The following FKBP10 variants were observed in gnomAD, a reference collection of about 807,000 sequenced individuals.
FKBP10 encodes FKBP prolyl isomerase 10.
A neutral mutation model predicts 53.7 loss-of-function variants in FKBP10; 34 were observed. That is an observed-to-expected ratio of 0.63 (90% confidence interval 0.48 to 0.84). The LOEUF (loss-of-function observed/expected upper bound fraction) is 0.84. FKBP10 is among the 40% of genes least tolerant of loss of function. FKBP10 has a pLI of 0.00. For synonymous variants in FKBP10, 324 were observed against 335.7 expected, an observed-to-expected ratio of 0.97 and a Z score of 0.38; for missense variants, 748 against 797.8, an observed-to-expected ratio of 0.94 and a Z score of 0.75.
rs1788842426 is a variant in FKBP10 at position 41,822,086 on chromosome 17, T to C, written c.1564-137T>C. On this transcript the variant is annotated intron_variant, in intron 9 of 9. Transcript: ENST00000321562. ...CCAGCACCAGTGCCTTTCCCAGCCC[T>C]TCCTGAGTTACAGGGTGCGGGGGAG... 6 of 939,310 alleles carry C rather than the reference T, an allele frequency of 6.4e-6. 1 individual carries two copies. In the African/African-American group the frequency reaches 6.6e-5, roughly 10 times the overall value. The allele number at this position is 939,310 out of a possible 1,614,324, so 58.2% of individuals were successfully genotyped here. A position where few individuals can be genotyped will look rare whatever the true frequency, so the allele number is the denominator to read the frequency against.
chr17:41,817,787 G>A (rs534436606), intron 2 of FKBP10, among the ~76,000 whole-genome samples: 96 of 151,886 alleles, frequency 6.3e-4, no homozygotes, highest in African/African-American at 2.2e-3. Flanking sequence ...ACCACCACAC[G>A]TGGCTAATTT....
chr17:41,822,852 C>T lies in FKBP10; in HGVS notation c.*444C>T. The T allele has an allele frequency of 3.5e-6, 1 of 287,248 alleles. No individual in the cohort carries two copies. The highest frequency in any genetic ancestry group is 6.7e-6 in the Non-Finnish European group (1 of 148,262). The allele number at this position is 287,248 out of a possible 1,614,324, so 17.8% of individuals were successfully genotyped here. A position where few individuals can be genotyped will look rare whatever the true frequency, so the allele number is the denominator to read the frequency against. ...CTCCCTAGGACCCCTCTGCCTTCCT[C>T]CCCAATCCTGACTGGCTCCTAGGGA... On this transcript the variant is annotated 3_prime_UTR_variant, in exon 10 of 10. Coordinates refer to ENST00000321562, the MANE Select transcript of FKBP10 (RefSeq NM_021939.4).
At position 41,822,676 on chromosome 17, in the gene FKBP10, CTG is replaced by C. The variant is rs2047907788; in HGVS notation, c.*269_*270del. 1.9e-6 allele frequency: 1 copy of C among 526,100 alleles called. No individual in the cohort carries two copies. The highest frequency in any genetic ancestry group is 2.0e-5 in the South Asian group (1 of 49,862). The allele number at this position is 526,100 out of a possible 1,614,324, so 32.6% of individuals were successfully genotyped here. On this transcript the variant is annotated 3_prime_UTR_variant, in exon 10 of 10. Coordinates refer to ENST00000321562, the MANE Select transcript of FKBP10 (RefSeq NM_021939.4). ...AAAGCCAATTTGGGGCCTGTGGAGC[CTG>C]GGGTTGGATAGGGCCATGGCTGGTC...
At chr17:41,821,841 A>T in intron 9 of FKBP10, 24 bp downstream of exon 9, 1 of 1,613,794 alleles carries the variant, frequency 6.2e-7, no homozygotes, top group Non-Finnish European at 8.5e-7. Flanking sequence ...CAGTCCTAAT[A>T]GCCATGCCCA....
intron 7 of FKBP10, 200 bp from the exon 8 acceptor site, chr17:41,820,747 C>T: frequency 5.2e-6 from 4 of 771,642 alleles, no homozygotes; most frequent in Non-Finnish European, 6.1e-6. Flanking sequence ...CTCGAGGCCA[C>T]ACTTTAGGGG....
rs573865037 is a variant in FKBP10 at position 41,819,220 on chromosome 17, C to G, written c.738C>G (p.Ile246Met). 5 of 1,614,026 alleles carry G rather than the reference C, an allele frequency of 3.1e-6. No individual in the cohort carries two copies. The highest frequency in any genetic ancestry group is 4.2e-6 in the Non-Finnish European group (5 of 1,179,918). ...CTATCCCTTCCCCAGGGACAGTGATCCCCCCACAGGCCTCGCTGGTCTTTC... is the reference window on the plus strand; with the variant it reads ...CTATCCCTTCCCCAGGGACAGTGATGCCCCCACAGGCCTCGCTGGTCTTTC... ...AYGEKGYGTV[I>M]PPQASLVFHV... The change falls in exon 5 of 10, where the codon ATC (isoleucine) becomes ATG (methionine). Residue 246 changes from isoleucine to methionine, a missense_variant. Transcript: ENST00000321562.
chr17:41,819,228 A>G lies in FKBP10; in HGVS notation c.746A>G (p.Gln249Arg). The part of the protein sequence containing the change: ...EKGYGTVIPP[Q>R]ASLVFHVLLI... ...TCCCCAGGGACAGTGATCCCCCCAC[A>G]GGCCTCGCTGGTCTTTCACGTCCTC... Residue 249 changes from glutamine (Q) to arginine (R), a missense_variant, in exon 5 of 10, where the codon CAG becomes CGG. Transcript: ENST00000321562. 1 of 1,614,104 alleles carries G rather than the reference A, an allele frequency of 6.2e-7. No individual in the cohort carries two copies. Among genetic ancestry groups the G allele is most frequent in the South Asian group, 1.1e-5 (1 of 91,082 alleles).
chr17:41,821,540 C>T, intron 8 of FKBP10, 114 bp from the exon 9 acceptor site: 1 of 1,338,152 alleles, frequency 7.5e-7, no homozygotes. Flanking sequence ...CCATGCCCCA[C>T]TCTCCAGCCC....
Position 41,819,570 on chromosome 17 carries a change from G to T in FKBP10, c.958G>T (p.Gly320Cys), listed in dbSNP as rs2047863175. 6.2e-7 allele frequency: 1 copy of T among 1,614,100 alleles called. No individual in the cohort carries two copies. The highest frequency in any genetic ancestry group is 8.5e-7 in the Non-Finnish European group (1 of 1,180,014). Residue 320 changes from glycine to cysteine, a missense_variant, in exon 6 of 10, where the codon GGT (glycine) becomes TGT (cysteine). Gly to Cys is a radical substitution (Grantham distance 159). Coordinates refer to ENST00000321562, the MANE Select transcript of FKBP10 (RefSeq NM_021939.4). The stretch of plus-strand genomic sequence containing the variant: ...CACCTACAATACCTATATCGGGCAG[G>T]GTTACATCATCCCCGGGATGGACCA... The part of the protein sequence containing the change: ...NHTYNTYIGQ[G>C]YIIPGMDQGL...
chr17:41,821,738 T>C lies in FKBP10; in HGVS notation c.1484T>C (p.Phe495Ser). 1 of 1,614,096 alleles carries C rather than the reference T, an allele frequency of 6.2e-7. No homozygotes were observed. Among genetic ancestry groups the C allele is most frequent in the Non-Finnish European group, 8.5e-7 (1 of 1,180,012 alleles). Residue 495 changes from phenylalanine (F) to serine (S), a missense_variant, in exon 9 of 10, where the codon TTT (phenylalanine) becomes TCT (serine). Physicochemically the swap from Phe to Ser is radical, Grantham distance 155 (BLOSUM62 -2). Transcript: ENST00000321562. ...REDGLPTGYL[F>S]VWHKDPPANL... ...GATGGGCTGCCCACAGGCTACCTGT[T>C]TGTGTGGCACAAGGACCCTCCTGCC...
intron 4 of FKBP10, chr17:41,818,929 C>G: frequency 2.7e-6 from 1 of 369,430 alleles, no homozygotes. Flanking sequence ...GCACTCCAGC[C>G]TGGGTGACAG....
intron 1 of FKBP10, among the ~76,000 whole-genome samples, chr17:41,814,042 C>A (rs945320289): frequency 6.6e-6 from 1 of 152,194 alleles, no homozygotes; most frequent in African/African-American, 2.4e-5. Context: ...CTGACCCAGG[C>A]CTTTGGTCTG....
intron 6 of FKBP10, chr17:41,819,907 G>A (rs2047868682): frequency 6.5e-7 from 1 of 1,541,764 alleles, no homozygotes; most frequent in Admixed American, 2.0e-5. Flanking sequence ...GGGCAGCCAA[G>A]TTTGGGGAGG....
rs782566284 is a variant in FKBP10, at chr17:41,819,338, G to T, written c.856G>T (p.Gly286Trp). 6 of 1,614,068 alleles carry T rather than the reference G, an allele frequency of 3.7e-6. No individual in the cohort carries two copies. In the South Asian group the frequency reaches 6.6e-5, roughly 18 times the overall value. The change falls in exon 5 of 10, where the codon GGG becomes TGG. Residue 286 changes from glycine to tryptophan, a missense_variant. Gly to Trp is a radical substitution (Grantham distance 184, BLOSUM62 -2). Transcript: ENST00000321562. ...CGGCTGTGTCCGCAGAGCCGGGGCC[G>T]GGGACTTCATGCGCTACCACTACAA... The part of the protein sequence containing the change: ...PPGCVRRAGA[G>W]DFMRYHYNGS...
chr17:41,819,059 G>C, intron 4 of FKBP10, 151 bp from the exon 5 acceptor site: 1 of 767,770 alleles, frequency 1.3e-6, no homozygotes, highest in Non-Finnish European at 2.2e-6. Context: ...GGTCTTACTG[G>C]AGGAGCAAGA....
rs781840347 is a variant in FKBP10, at chr17:41,822,129, AAAAG to A, written c.1564-89_1564-86del. ...CGGGGGAGCCTGGGAAAAAAGAAGA[AAAAG>A]AAAGCACTCACTGGCCTCCACCCGG... is the stretch of plus-strand genomic sequence containing the variant. On this transcript the variant is annotated intron_variant, in intron 9 of 9. Coordinates refer to ENST00000321562, the MANE Select transcript of FKBP10 (RefSeq NM_021939.4). 6.5e-5 allele frequency: 82 copies of A among 1,267,648 alleles called. 1 individual carries two copies. The highest frequency in any genetic ancestry group is 8.6e-5 in the Non-Finnish European group (77 of 892,450). The allele number at this position is 1,267,648 out of a possible 1,614,324, so 78.5% of individuals were successfully genotyped here.
At position 41,822,790 on chromosome 17, in the gene FKBP10, C is replaced by G; in HGVS notation, c.*382C>G. 1 of 348,902 alleles carries G rather than the reference C, an allele frequency of 2.9e-6. No individual in the cohort carries two copies. The allele number at this position is 348,902 out of a possible 1,614,324, so 21.6% of individuals were successfully genotyped here. On this transcript the variant is annotated 3_prime_UTR_variant, in exon 10 of 10. Transcript: ENST00000321562. ...CTTTCTCTTTCTTTGTACTTCTTGT[C>G]ATCCCCACTCCCAGCCCCTTTTCCT...
At chr17:41,818,353 C>T in intron 3 of FKBP10, 29 bp from the exon 4 acceptor site, 1 of 1,614,176 alleles carries the variant, frequency 6.2e-7, no homozygotes, top group African/African-American at 1.3e-5. Context: ...CCCAGCCTGC[C>T]TCTCCCACCT....
Position 41,813,261 on chromosome 17 carries a change from G to T in FKBP10, c.227G>T (p.Gly76Val), listed in dbSNP as rs1555615708. 3.1e-6 allele frequency: 5 copies of T among 1,613,682 alleles called. No homozygotes were observed. The highest frequency in any genetic ancestry group is 3.4e-6 in the Non-Finnish European group (4 of 1,179,976). The stretch of plus-strand genomic sequence containing the variant: ...CACTACAACGGCACTTTTGAAGATG[G>T]CAAGAAGTTTGATTCAAGGTAACCC... ...RYHYNGTFED[G>V]KKFDSSYDRN... Residue 76 changes from glycine to valine, a missense_variant, in exon 1 of 10, where the codon GGC (glycine) becomes GTC (valine). Physicochemically the swap from Gly to Val is moderately radical, Grantham distance 109. Coordinates refer to ENST00000321562, the MANE Select transcript of FKBP10 (RefSeq NM_021939.4).
Sources: allele counts gnomAD v4.1 joint callset (sites outside exome capture counted in the v4.1 genomes callset), GRCh38; gene constraint gnomAD v4.1.1; transcripts MANE v1.5; gene names NCBI Gene and HGNC (gene_info 2026-07-23, HGNC 2026-07-21).